SLC17A5: variants seen among roughly 807,000 people sequenced by gnomAD.
SLC17A5 encodes the protein solute carrier family 17 member 5.
In SLC17A5, 47 loss-of-function variants were observed where a neutral mutation model predicts 59.4. That is an observed-to-expected ratio of 0.79 (90% CI 0.63 to 1.01). SLC17A5 has a LOEUF of 1.01. SLC17A5 is among the 50% of genes least tolerant of loss of function. The probability of loss-of-function intolerance (pLI) is 0.00; values close to 1 mark genes in which losing one functional copy is unlikely to be tolerated. For synonymous variants in SLC17A5, 202 were observed against 210.7 expected (o/e 0.96, Z 0.36); for missense variants, 522 against 595.5 (o/e 0.88, Z 1.28).
Position 73,644,506 on chromosome 6 carries a change from T to G in SLC17A5, c.192A>C (p.Leu64Phe). The G allele has an allele frequency of 1.9e-6, 3 of 1,613,878 alleles. No individual in the cohort carries two copies. The highest frequency in any genetic ancestry group is 2.5e-6 in the Non-Finnish European group (3 of 1,179,854). Residue 64 changes from leucine (L) to phenylalanine (F), a missense_variant, in exon 2 of 11, where the codon TTA becomes TTC. Physicochemically the swap from Leu to Phe is conservative, Grantham distance 22. Around this residue, in one of 3 missense-constraint regions of SLC17A5, gnomAD observed 338 missense variants for 363.8 expected, o/e 0.93. Transcript: ENST00000355773. ...YALRVNLSVA[L>F]VDMVDSNTTL... The stretch of plus-strand genomic sequence containing the variant: ...TTGTATTTGAATCTACCATATCCAC[T>G]AACGCAACACTCAGATTCACACGTA...
At chr6:73,595,346 A>C in intron 10 of SLC17A5, 132 bp from the exon 11 acceptor site, 2 of 915,370 alleles carry the variant, frequency 2.2e-6, no homozygotes, top group Non-Finnish European at 3.5e-6. Flanking sequence ...AACAACCCAA[A>C]TGTCCACCAG....
intron 9 of SLC17A5, among the ~76,000 whole-genome samples, chr6:73,602,632 G>T (rs140670430): frequency 6.6e-6 from 1 of 151,902 alleles, no homozygotes; most frequent in East Asian, 1.9e-4. Context: ...AAAATTAGCC[G>T]GCCGTGATGG....
At chr6:73,650,710 T>G (rs928921654) in intron 1 of SLC17A5, among the ~76,000 whole-genome samples, 2 of 145,548 alleles carry the variant, frequency 1.4e-5, no homozygotes, top group African/African-American at 2.5e-5. Context: ...AAAAAGAAAA[T>G]AAAGTGTTGG....
rs751723076 is a variant in SLC17A5 at position 73,595,144 on chromosome 6, A to G, written c.1421T>C (p.Phe474Ser). 2.5e-6 allele frequency: 4 copies of G among 1,614,138 alleles called. No homozygotes were observed. The highest frequency in any genetic ancestry group is 3.4e-6 in the Non-Finnish European group (4 of 1,180,010). The change falls in exon 11 of 11, where the codon TTT (phenylalanine) becomes TCT (serine). Residue 474 changes from phenylalanine (F) to serine (S), a missense_variant. By Grantham distance (155) the Phe-to-Ser change is radical. This residue lies in a region of SLC17A5 where 153 missense variants were observed against 168.5 expected (regional missense o/e 0.91). Coordinates refer to ENST00000355773, the MANE Select transcript of SLC17A5 (RefSeq NM_012434.5). The stretch of plus-strand genomic sequence containing the variant: ...TACTTCACCTTTGGCGAATAGTGTA[A>G]AGAAAATGGCACCAAAAACATTAAT... ...AAINVFGAIF[F>S]TLFAKGEVQN...
intron 1 of SLC17A5, chr6:73,653,344 C>A: frequency 1.0e-6 from 1 of 985,478 alleles, no homozygotes; most frequent in Non-Finnish European, 1.2e-6. Flanking sequence ...TACTGATCTG[C>A]AGGTTTCTCC....
At chr6:73,607,363 G>C (rs1315974397) in intron 9 of SLC17A5, among the ~76,000 whole-genome samples, 1 of 150,686 alleles carries the variant, frequency 6.6e-6, no homozygotes, top group Non-Finnish European at 1.5e-5. Context: ...CCACCTCCCA[G>C]GTTCAAGTGA....
chr6:73,597,146 A>G (rs1157468857), intron 10 of SLC17A5, among the ~76,000 whole-genome samples: 1 of 147,470 alleles, frequency 6.8e-6, no homozygotes, highest in African/African-American at 2.5e-5. Flanking sequence ...GGGGAACAAG[A>G]GTGAAACTCC....
At chr6:73,623,655 CTTTTAT>C (rs1336234924) in intron 6 of SLC17A5, among the ~76,000 whole-genome samples, 1 of 146,026 alleles carries the variant, frequency 6.8e-6, no homozygotes, top group Non-Finnish European at 1.5e-5. Flanking sequence ...TTTTAAGTGT[CTTTTAT>C]TTTTATTTAT....
intron 1 of SLC17A5, among the ~76,000 whole-genome samples, chr6:73,647,531 T>C (rs1200113520): frequency 6.6e-6 from 1 of 152,252 alleles, no homozygotes; most frequent in Non-Finnish European, 1.5e-5. Context: ...TGTAATGTTA[T>C]TACTTCATTC....
At chr6:73,652,980 A>G in intron 1 of SLC17A5, 2 of 927,146 alleles carry the variant, frequency 2.2e-6, no homozygotes, top group African/African-American at 3.6e-5. Flanking sequence ...AAATATTTTA[A>G]TTTTCTCAAA....
intron 2 of SLC17A5, among the ~76,000 whole-genome samples, chr6:73,643,591 C>T (rs1043221707): frequency 6.6e-6 from 1 of 152,164 alleles, no homozygotes; most frequent in African/African-American, 2.4e-5. Flanking sequence ...ATTCTCCTGC[C>T]TCAGCCTCCT....
rs374256324 is a variant in SLC17A5, at chr6:73,612,269, T to G, written c.1112-1722A>C. On this transcript the variant is annotated intron_variant, in intron 8 of 10. Transcript: ENST00000355773. ...CCTCTGCCTCCCAGGTTCAAGCAAT[T>G]CTCCTGCCTCGGCCTCCTGAATAGC... Among the ~76,000 whole-genome samples the G allele has an allele frequency of 3.9e-5, 6 of 152,084 alleles. No homozygotes were observed. The East Asian group carries it at 5.8e-4, about 15-fold the overall frequency.
rs1562004003 is a variant in SLC17A5 at position 73,653,498 on chromosome 6, T to TCCCCCCCCC, written c.94+294_94+295insGGGGGGGGG. The TCCCCCCCCC allele has an allele frequency of 1.3e-5, 12 of 951,470 alleles. No individual in the cohort carries two copies. In the African/African-American group the frequency reaches 2.3e-4, roughly 19 times the overall value. The allele number at this position is 951,470 out of a possible 1,614,324, so 58.9% of individuals were successfully genotyped here. A position where few individuals can be genotyped will look rare whatever the true frequency, so the allele number is the denominator to read the frequency against. On this transcript the variant is annotated intron_variant, in intron 1 of 10. Coordinates refer to ENST00000355773, the MANE Select transcript of SLC17A5 (RefSeq NM_012434.5). Reference sequence around the variant, plus strand: ...AGCTCAGCGCCGGCTGCACCGCCGCTCCCCCGCCCCCGCCCCCGCCCCCGC... The same window carrying TCCCCCCCCC: ...AGCTCAGCGCCGGCTGCACCGCCGCTCCCCCCCCCCCCCCGCCCCCGCCCCCGCCCCCGC...
At chr6:73,631,052 A>G (rs71555205) in intron 6 of SLC17A5, among the ~76,000 whole-genome samples, 11 of 94,784 alleles carry the variant, frequency 1.2e-4, no homozygotes, top group African/African-American at 4.9e-4. Flanking sequence ...GTCTCAAAAG[A>G]AAAAAAAAAA....
At chr6:73,618,326 G>A (rs144119493) in intron 7 of SLC17A5, 244 of 230,872 alleles carry the variant, frequency 1.1e-3, no homozygotes, top group African/African-American at 5.1e-3. Context: ...TGGTTGTGAC[G>A]ACCTACCGAC....
intron 1 of SLC17A5, among the ~76,000 whole-genome samples, chr6:73,649,000 AT>A (rs369753367): frequency 0.03 from 4,290 of 145,066 alleles, 187 homozygotes; most frequent in African/African-American, 0.097. Flanking sequence ...ATAATATATA[AT>A]TTTTTTTTTT....
chr6:73,646,994 A>T (rs1294948170), intron 1 of SLC17A5, among the ~76,000 whole-genome samples: 3 of 152,054 alleles, frequency 2.0e-5, no homozygotes, highest in African/African-American at 7.2e-5. Context: ...TTTCTTTATC[A>T]TTGCTCTGTG....
Position 73,641,675 on chromosome 6 carries a change from G to A in SLC17A5, c.525+16C>T, listed in dbSNP as rs1379873359. The A allele has an allele frequency of 6.4e-7, 1 of 1,560,052 alleles. No individual in the cohort carries two copies. The highest frequency in any genetic ancestry group is 2.3e-5 in the East Asian group (1 of 44,440). On this transcript the variant is annotated intron_variant, in intron 3 of 10. Transcript: ENST00000355773. ...ACACACGGTAAGAAGTAAAACAAGA[G>A]AGAAAAGAAAATTACCTCTCCTAGT...
intron 2 of SLC17A5, among the ~76,000 whole-genome samples, chr6:73,643,731 C>A (rs1769408960): frequency 6.6e-6 from 1 of 152,166 alleles, no homozygotes; most frequent in African/African-American, 2.4e-5. Context: ...CCTGCCTCAG[C>A]CTCCTAAAGT....
Sources: gnomAD v4.1 joint callset for allele counts (sites outside exome capture counted in the v4.1 genomes callset) on GRCh38, gnomAD v4.1.1 for gene constraint, gnomAD v4.1.1 regional missense constraint, MANE v1.5 for transcripts, NCBI Gene and HGNC (gene_info 2026-07-23, HGNC 2026-07-21) for gene names.